Variants in SPECC1L observed in about 807,000 individuals in gnomAD.
The protein encoded by SPECC1L is cytospin-A.
SPECC1L carries 40 observed loss-of-function variants against 116.8 expected under a neutral mutation model. That is an observed-to-expected ratio of 0.34 (90% CI 0.27 to 0.45). SPECC1L has a LOEUF of 0.45. SPECC1L is among the 20% of genes least tolerant of loss of function. The pLI, the probability that SPECC1L is intolerant of heterozygous loss-of-function variation, is 1.00. For missense variants in SPECC1L, 1,110 were observed against 1,373.6 expected, an observed-to-expected ratio of 0.81 and a Z score of 3.03; for synonymous variants, 504 against 500.6, an observed-to-expected ratio of 1.01 and a Z score of -0.09.
At chr22:24,333,952 T>C (rs2040992298) in intron 8 of SPECC1L, among the ~76,000 whole-genome samples, 1 of 152,100 alleles carries the variant, frequency 6.6e-6, no homozygotes. Context: ...AATGAGAACA[T>C]TAGACCAGGT....
chr22:24,364,105 T>A (rs764431490), intron 12 of SPECC1L, among the ~76,000 whole-genome samples: 34 of 152,256 alleles, frequency 2.2e-4, no homozygotes, highest in Middle Eastern at 3.4e-3. Context: ...CTATGTGACT[T>A]GTCACTGTGC....
chr22:24,366,667 G>A (rs1313912653), intron 13 of SPECC1L, among the ~76,000 whole-genome samples: 1 of 152,168 alleles, frequency 6.6e-6, no homozygotes, highest in African/African-American at 2.4e-5. Flanking sequence ...TTTATAAAAG[G>A]AATGCAAGAA....
Position 24,346,543 on chromosome 22 carries a change from T to G in SPECC1L, c.2653-543T>G, listed in dbSNP as rs574912006. 2.0e-5 allele frequency among the ~76,000 whole-genome samples: 3 copies of G among 152,332 alleles called. No individual in the cohort carries two copies. The South Asian group carries it at 6.2e-4, about 32-fold the overall frequency. ...TGTTTTTGTATTTACTGAATTGGTTTGTGATACTTTAAAGATTCTCTTCCA... is the reference window on the plus strand; with the variant it reads ...TGTTTTTGTATTTACTGAATTGGTTGGTGATACTTTAAAGATTCTCTTCCA... On this transcript the variant is annotated intron_variant, in intron 10 of 16. Transcript: ENST00000314328.
At chr22:24,282,194 C>G (rs1311313532) in intron 2 of SPECC1L, among the ~76,000 whole-genome samples, 1 of 152,204 alleles carries the variant, frequency 6.6e-6, no homozygotes, top group Non-Finnish European at 1.5e-5. Context: ...CAAAATTTCT[C>G]AAGCACTGAT....
intron 10 of SPECC1L, among the ~76,000 whole-genome samples, chr22:24,342,914 T>C (rs1191096853): frequency 2.0e-5 from 3 of 151,574 alleles, no homozygotes; most frequent in East Asian, 2.0e-4. Flanking sequence ...AGAAATAGGC[T>C]GGGCGCAGTG....
intron 11 of SPECC1L, among the ~76,000 whole-genome samples, chr22:24,362,202 G>A (rs1026611631): frequency 6.6e-6 from 1 of 152,198 alleles, no homozygotes; most frequent in African/African-American, 2.4e-5. Context: ...GGTAAGAAGT[G>A]TGCAGGAAGA....
intron 2 of SPECC1L, among the ~76,000 whole-genome samples, chr22:24,298,465 C>G (rs1437248473): frequency 6.6e-6 from 1 of 152,154 alleles, no homozygotes; most frequent in African/African-American, 2.4e-5. Flanking sequence ...ATAACAAGAT[C>G]CTTATTAAAG....
chr22:24,373,694 C>T (rs1020588134), intron 14 of SPECC1L, among the ~76,000 whole-genome samples: 3 of 152,278 alleles, frequency 2.0e-5, no homozygotes, highest in African/African-American at 7.2e-5. Flanking sequence ...CTAGGCAATA[C>T]CATTCAGGAC....
chr22:24,365,457 T>TA lies in SPECC1L; in HGVS notation c.2828-17dup. ...TAAAATGTTTTTGCTATAGAGTGCA[T>TA]AATGACTATTTCTCACAGTGTCTCG... On this transcript the variant is annotated intron_variant, in intron 12 of 16. Coordinates refer to ENST00000314328, the MANE Select transcript of SPECC1L (RefSeq NM_015330.6). The TA allele has an allele frequency of 6.2e-7, 1 of 1,613,416 alleles. No individual in the cohort carries two copies.
intron 2 of SPECC1L, among the ~76,000 whole-genome samples, chr22:24,301,711 C>T (rs541820145): frequency 6.6e-6 from 1 of 152,128 alleles, no homozygotes; most frequent in South Asian, 2.1e-4. Flanking sequence ...AATAGTAAGT[C>T]AGGGGTCATC....
chr22:24,317,160 C>T (rs1454767958), intron 4 of SPECC1L, among the ~76,000 whole-genome samples: 23 of 94,232 alleles, frequency 2.4e-4, no homozygotes, highest in African/African-American at 7.5e-4. Flanking sequence ...CCCTCCCGGA[C>T]GGGGCGGCTG....
intron 6 of SPECC1L, among the ~76,000 whole-genome samples, chr22:24,325,581 A>T (rs5760341): frequency 0.025 from 3,582 of 144,008 alleles, 134 homozygotes; most frequent in South Asian, 0.11. Flanking sequence ...ATTTATTTAT[A>T]AGAGGTGACA....
chr22:24,273,152 C>T (rs956561991), intron 1 of SPECC1L, among the ~76,000 whole-genome samples: 1 of 152,210 alleles, frequency 6.6e-6, no homozygotes, highest in African/African-American at 2.4e-5. Context: ...GTTTCTTCCT[C>T]AGATGTGATT....
chr22:24,384,180 A>G (rs1386138926), intron 14 of SPECC1L, among the ~76,000 whole-genome samples: 6 of 152,178 alleles, frequency 3.9e-5, no homozygotes, highest in Non-Finnish European at 7.3e-5. Flanking sequence ...ATACCAAAAG[A>G]GAGGGCTAGG....
intron 2 of SPECC1L, among the ~76,000 whole-genome samples, chr22:24,294,764 T>G (rs1428113614): frequency 6.6e-6 from 1 of 150,526 alleles, no homozygotes; most frequent in Non-Finnish European, 1.5e-5. Flanking sequence ...TGCCTGGACA[T>G]GGAATAAACG....
intron 14 of SPECC1L, among the ~76,000 whole-genome samples, chr22:24,403,489 C>T (rs563362924): frequency 6.6e-6 from 1 of 152,274 alleles, no homozygotes; most frequent in East Asian, 1.9e-4. Flanking sequence ...TGTGCATTTT[C>T]CCCTCAAATA....
intron 16 of SPECC1L, 38 bp downstream of exon 16, chr22:24,412,745 C>T (rs2042724052): frequency 6.2e-7 from 1 of 1,606,152 alleles, no homozygotes; most frequent in Non-Finnish European, 8.5e-7. Flanking sequence ...GCAGGGCCCT[C>T]CTTCTGGTTA....
intron 4 of SPECC1L, among the ~76,000 whole-genome samples, chr22:24,319,888 AT>A (rs898788852): frequency 2.0e-5 from 3 of 152,162 alleles, no homozygotes; most frequent in Non-Finnish European, 2.9e-5. Flanking sequence ...TGTGGATCTT[AT>A]TTTTTAACAT....
rs535657155 is a variant in SPECC1L at position 24,327,759 on chromosome 22, A to G, written c.2147-1087A>G. Among the ~76,000 whole-genome samples, 11 of 152,262 alleles carry G rather than the reference A, an allele frequency of 7.2e-5. No individual in the cohort carries two copies. In the East Asian group the frequency reaches 2.1e-3, roughly 29 times the overall value. ...TCCATTTTAAAGATACCATATTCCA[A>G]CTACTGAGTCTGTGAGGTCATCACA... On this transcript the variant is annotated intron_variant, in intron 6 of 16. Coordinates refer to ENST00000314328, the MANE Select transcript of SPECC1L (RefSeq NM_015330.6).
Sources: allele counts gnomAD v4.1 joint callset (sites outside exome capture counted in the v4.1 genomes callset), GRCh38; gene constraint gnomAD v4.1.1; transcripts MANE v1.5; gene names NCBI Gene and HGNC (gene_info 2026-07-23, HGNC 2026-07-21).